The following MSRA variants were observed in gnomAD, a reference collection of about 807,000 sequenced individuals.
MSRA encodes mitochondrial peptide methionine sulfoxide reductase.
In MSRA, 54 loss-of-function variants were observed where a neutral mutation model predicts 31.3. The observed-to-expected ratio is 1.73, with a 90% confidence interval of 1.39 to 2.17. The LOEUF is 2.17. MSRA is among the 30% of genes most tolerant of loss of function. The pLI, the probability that MSRA is intolerant of heterozygous loss-of-function variation, is 0.00. For missense variants in MSRA, 507 were observed against 300.9 expected (o/e 1.69, Z -5.07); for synonymous variants, 169 against 116.5 (o/e 1.45, Z -2.90).
chr8:10,112,396 G>A (rs984686400), intron 1 of MSRA, among the ~76,000 whole-genome samples: 1 of 152,212 alleles, frequency 6.6e-6, no homozygotes, highest in Non-Finnish European at 1.5e-5. Flanking sequence ...ACATAATAGA[G>A]AATTTCTAGG....
At chr8:10,225,377 C>G (rs1810903907) in intron 2 of MSRA, among the ~76,000 whole-genome samples, 2 of 152,196 alleles carry the variant, frequency 1.3e-5, no homozygotes, top group South Asian at 4.1e-4. Context: ...GATTACCCAT[C>G]TCTGCCTGTG....
intron 4 of MSRA, among the ~76,000 whole-genome samples, chr8:10,305,020 C>T (rs766441346): frequency 6.6e-6 from 1 of 152,148 alleles, no homozygotes; most frequent in Non-Finnish European, 1.5e-5. Context: ...TGAAGATGCG[C>T]CCAGGAAACA....
At chr8:10,304,314 T>C (rs923576023) in intron 4 of MSRA, among the ~76,000 whole-genome samples, 3 of 152,244 alleles carry the variant, frequency 2.0e-5, no homozygotes, top group African/African-American at 7.2e-5. Context: ...ATGGAAAATA[T>C]ATTCCTACAG....
chr8:10,420,271 C>G (rs1585741216), intron 5 of MSRA, among the ~76,000 whole-genome samples: 1 of 150,862 alleles, frequency 6.6e-6, no homozygotes, highest in Non-Finnish European at 1.5e-5. Flanking sequence ...TTGCCCGGGG[C>G]TGGGGAGTAG....
chr8:10,212,655 G>A (rs901144404), intron 2 of MSRA, among the ~76,000 whole-genome samples: 1 of 152,160 alleles, frequency 6.6e-6, no homozygotes, highest in Non-Finnish European at 1.5e-5. Context: ...TGATTTTACA[G>A]TTGCAGTTTT....
intron 5 of MSRA, among the ~76,000 whole-genome samples, chr8:10,340,701 A>G (rs1803371751): frequency 6.6e-6 from 1 of 152,232 alleles, no homozygotes; most frequent in Admixed American, 6.5e-5. Context: ...CCCACTTTAT[A>G]AAGTGGCGAG....
At chr8:10,234,680 T>A (rs1346187007) in intron 2 of MSRA, among the ~76,000 whole-genome samples, 1 of 152,012 alleles carries the variant, frequency 6.6e-6, no homozygotes, top group Non-Finnish European at 1.5e-5. Flanking sequence ...TCCTGTTATA[T>A]GCTGCTTACA....
chr8:10,239,478 C>T (rs945849106), intron 2 of MSRA, among the ~76,000 whole-genome samples: 2 of 152,132 alleles, frequency 1.3e-5, no homozygotes, highest in African/African-American at 4.8e-5. Flanking sequence ...GATTTTAAGC[C>T]CATCCAATTG....
intron 5 of MSRA, among the ~76,000 whole-genome samples, chr8:10,396,649 G>C (rs917893662): frequency 6.6e-6 from 1 of 152,198 alleles, no homozygotes; most frequent in South Asian, 2.1e-4. Flanking sequence ...GATGACATAC[G>C]TGTGGCTGTT....
chr8:10,364,795 G>A (rs1805061603), intron 5 of MSRA, among the ~76,000 whole-genome samples: 1 of 152,202 alleles, frequency 6.6e-6, no homozygotes, highest in Non-Finnish European at 1.5e-5. Flanking sequence ...ATGCACAGTA[G>A]ATATTACCAC....
At chr8:10,268,433 C>G (rs1798857809) in intron 3 of MSRA, among the ~76,000 whole-genome samples, 1 of 152,202 alleles carries the variant, frequency 6.6e-6, no homozygotes, top group Non-Finnish European at 1.5e-5. Context: ...TTCCATGGCA[C>G]CTGAACTTCT....
Position 10,091,277 on chromosome 8 carries a change from G to A in MSRA, c.142+36619G>A, listed in dbSNP as rs561262212. ...TATGTTCATTATTCACATTTAAAAA[G>A]TGACAAAAATTGTATTTATGGTGTA... On this transcript the variant is annotated intron_variant, in intron 1 of 5. Transcript: ENST00000317173. Among the ~76,000 whole-genome samples the A allele has an allele frequency of 7.2e-5, 11 of 152,258 alleles. 1 individual carries two copies. The South Asian group carries it at 2.3e-3, about 32-fold the overall frequency.
At chr8:10,208,907 C>G (rs908835126) in intron 2 of MSRA, among the ~76,000 whole-genome samples, 4 of 152,220 alleles carry the variant, frequency 2.6e-5, no homozygotes, top group Admixed American at 2.6e-4. Context: ...AAATTAGCCT[C>G]AGAACAACCT....
intron 1 of MSRA, among the ~76,000 whole-genome samples, chr8:10,104,846 G>T (rs1799776265): frequency 6.6e-6 from 1 of 152,180 alleles, no homozygotes; most frequent in African/African-American, 2.4e-5. Context: ...CATTCAGATG[G>T]TTGAGAGGGG....
At position 10,302,283 on chromosome 8, in the gene MSRA, T is replaced by C. The variant is rs546973693; in HGVS notation, c.436+645T>C. ...CATGTTGGCAAATATCATTGTAATA[T>C]TCAATAATGAAGCAATTTCAAGATC... On this transcript the variant is annotated intron_variant, in intron 4 of 5. Coordinates refer to ENST00000317173, the MANE Select transcript of MSRA (RefSeq NM_012331.5). Among the ~76,000 whole-genome samples, 7 of 152,394 alleles carry C rather than the reference T, an allele frequency of 4.6e-5. No homozygotes were observed. In the South Asian group the frequency reaches 1.4e-3, roughly 32 times the overall value.
intron 1 of MSRA, among the ~76,000 whole-genome samples, chr8:10,193,575 G>A (rs1807717809): frequency 6.6e-6 from 1 of 152,166 alleles, no homozygotes; most frequent in Non-Finnish European, 1.5e-5. Flanking sequence ...ACCCAGCAGT[G>A]TGTTTAAAGA....
chr8:10,245,059 T>C, intron 2 of MSRA, 45 bp from the exon 3 acceptor site: 5 of 1,598,788 alleles, frequency 3.1e-6, no homozygotes, highest in Non-Finnish European at 3.4e-6. Flanking sequence ...GACCACTTTG[T>C]TTTGAATAAT....
intron 2 of MSRA, among the ~76,000 whole-genome samples, chr8:10,220,023 CAG>C (rs1330280909): frequency 6.6e-6 from 1 of 151,922 alleles, no homozygotes; most frequent in African/African-American, 2.4e-5. Flanking sequence ...TGTGGAGAAA[CAG>C]ACGTTTAGCT....
At chr8:10,312,942 A>G (rs1381497767) in intron 4 of MSRA, among the ~76,000 whole-genome samples, 3 of 152,232 alleles carry the variant, frequency 2.0e-5, no homozygotes, top group Non-Finnish European at 4.4e-5. Context: ...TTTAATAATG[A>G]TGCATTGAGA....
Sources: allele counts gnomAD v4.1 joint callset (sites outside exome capture counted in the v4.1 genomes callset), GRCh38; gene constraint gnomAD v4.1.1; transcripts MANE v1.5; gene names NCBI Gene and HGNC (gene_info 2026-07-23, HGNC 2026-07-21).